CRYBG1: variants seen among roughly 807,000 people sequenced by gnomAD.
CRYBG1 encodes the protein crystallin beta-gamma domain containing 1, also known as beta/gamma crystallin domain-containing protein 1.
A neutral mutation model predicts 189.2 loss-of-function variants in CRYBG1; 139 were observed. The observed-to-expected ratio is 0.73, with a 90% CI of 0.64 to 0.85. The LOEUF is 0.85. CRYBG1 is among the 40% of genes least tolerant of loss of function. The probability of loss-of-function intolerance (pLI) is 0.00; values close to 1 mark genes in which losing one functional copy is unlikely to be tolerated. For missense variants in CRYBG1, 2,611 were observed against 2,675.8 expected, an observed-to-expected ratio of 0.98 and a Z score of 0.53; for synonymous variants, 1,023 against 1,017.1, an observed-to-expected ratio of 1.01 and a Z score of -0.11.
chr6:106,386,730 G>T (rs1171452886), intron 1 of CRYBG1, among the ~76,000 whole-genome samples: 7 of 152,224 alleles, frequency 4.6e-5, no homozygotes, highest in Admixed American at 4.6e-4. Flanking sequence ...ATACCATCAA[G>T]AGGCAGAGCT....
At chr6:106,375,056 A>T (rs768381862) in intron 1 of CRYBG1, among the ~76,000 whole-genome samples, 25 of 152,128 alleles carry the variant, frequency 1.6e-4, no homozygotes, top group Non-Finnish European at 3.7e-4. Flanking sequence ...GTTTCTAAAG[A>T]TAATGATGCA....
At chr6:106,560,984 G>A in intron 19 of CRYBG1, 58 bp downstream of exon 19, 2 of 1,485,716 alleles carry the variant, frequency 1.3e-6, no homozygotes, top group South Asian at 2.7e-5. Flanking sequence ...TTTTGTAAAT[G>A]CAATCCAACT....
chr6:106,515,852 G>T (rs1289070714), intron 3 of CRYBG1, among the ~76,000 whole-genome samples: 1 of 151,500 alleles, frequency 6.6e-6, no homozygotes, highest in Non-Finnish European at 1.5e-5. Flanking sequence ...GAGTGCAGTG[G>T]CATGATCATG....
intron 3 of CRYBG1, among the ~76,000 whole-genome samples, chr6:106,514,651 T>C (rs951901560): frequency 4.6e-5 from 7 of 152,238 alleles, no homozygotes; most frequent in African/African-American, 1.4e-4. Context: ...GTGTACCTTA[T>C]GAAGGATGGT....
chr6:106,463,103 A>G (rs1772045363), intron 2 of CRYBG1, among the ~76,000 whole-genome samples: 1 of 152,196 alleles, frequency 6.6e-6, no homozygotes, highest in Non-Finnish European at 1.5e-5. Context: ...GCAGTCAGCT[A>G]GGATGGCACC....
intron 1 of CRYBG1, among the ~76,000 whole-genome samples, chr6:106,377,621 T>TATATATATATATATATATATATATA (rs1419204336): frequency 2.9e-4 from 20 of 69,492 alleles, no homozygotes; most frequent in South Asian, 5.3e-4. Context: ...TCCTAAGGTT[T>TATATATATATATATATATATATATA]TATATATATA....
At chr6:106,468,851 A>G (rs67483704) in intron 2 of CRYBG1, among the ~76,000 whole-genome samples, 26,985 of 152,234 alleles carry the variant, frequency 0.18, 2,520 homozygotes, top group South Asian at 0.25. Flanking sequence ...ACGACATTGT[A>G]AGGGTCTCCT....
intron 1 of CRYBG1, among the ~76,000 whole-genome samples, chr6:106,442,803 C>G (rs768116006): frequency 5.9e-5 from 9 of 152,080 alleles, no homozygotes; most frequent in Non-Finnish European, 1.0e-4. Flanking sequence ...AGAGAAAGAG[C>G]CATCAGTGAT....
intron 2 of CRYBG1, among the ~76,000 whole-genome samples, chr6:106,490,579 A>AT (rs1257029956): frequency 6.6e-6 from 1 of 152,118 alleles, no homozygotes; most frequent in African/African-American, 2.4e-5. Flanking sequence ...GTTTATATGA[A>AT]TTTTTTTCCA....
At chr6:106,372,352 G>C (rs1049578276) in intron 1 of CRYBG1, among the ~76,000 whole-genome samples, 1 of 152,062 alleles carries the variant, frequency 6.6e-6, no homozygotes, top group Non-Finnish European at 1.5e-5. Context: ...CCTGGGCTCA[G>C]GTGATCCTCC....
At chr6:106,433,138 C>T (rs1018743902) in intron 1 of CRYBG1, among the ~76,000 whole-genome samples, 8 of 152,142 alleles carry the variant, frequency 5.3e-5, no homozygotes, top group Non-Finnish European at 7.4e-5. Context: ...CATGCCCAGC[C>T]GCTATTTTCT....
rs1437434677 is a variant in CRYBG1, at chr6:106,388,294, G to A, written c.173+27213G>A. ...ATCTTGGCACCTCCCAAATTTTCTA[G>A]GTCCTGAACTATCCTGGGGCTAACA... On this transcript the variant is annotated intron_variant, in intron 1 of 21. Transcript: ENST00000633556. 3.3e-5 allele frequency among the ~76,000 whole-genome samples: 5 copies of A among 152,084 alleles called. No homozygotes were observed. The South Asian group carries it at 1.0e-3, about 32-fold the overall frequency.
intron 17 of CRYBG1, among the ~76,000 whole-genome samples, chr6:106,557,085 A>G (rs1582838070): frequency 6.6e-6 from 1 of 152,342 alleles, no homozygotes; most frequent in East Asian, 1.9e-4. Flanking sequence ...TATCTTTGTG[A>G]CTTAATACTT....
chr6:106,365,680 A>ATTTT (rs10714082), intron 1 of CRYBG1, among the ~76,000 whole-genome samples: 2 of 132,350 alleles, frequency 1.5e-5, no homozygotes, highest in Non-Finnish European at 3.4e-5. Flanking sequence ...AAGAACCTGT[A>ATTTT]TTTTTTTTTA....
At position 106,545,058 on chromosome 6, in the gene CRYBG1, C is replaced by T. The variant is rs577866027; in HGVS notation, c.5312+125C>T. On this transcript the variant is annotated intron_variant, in intron 13 of 21. Coordinates refer to ENST00000633556, the MANE Select transcript of CRYBG1 (RefSeq NM_001371242.2). ...ATATCTCAACAGCTTAACATTAAAT[C>T]AGTCATTTAATAGTTGCTGTCATGA... is the stretch of plus-strand genomic sequence containing the variant. 1.6e-5 allele frequency: 12 copies of T among 764,086 alleles called. No individual in the cohort carries two copies. The South Asian group carries it at 2.8e-4, about 18-fold the overall frequency. 47.3% of individuals were successfully genotyped at this position (764,086 alleles called of 1,614,324 possible). A position where few individuals can be genotyped will look rare whatever the true frequency, so the allele number is the denominator to read the frequency against.
Position 106,553,539 on chromosome 6 carries a change from A to T in CRYBG1, c.5557A>T (p.Thr1853Ser), listed in dbSNP as rs1676015. Residue 1853 changes from threonine (T) to serine (S), a missense_variant, in exon 16 of 22, where the codon ACC becomes TCC. Physicochemically the swap from Thr to Ser is moderately conservative, Grantham distance 58. This residue lies in a region of CRYBG1 where 1,622 missense variants were observed against 1,735.0 expected (regional missense o/e 0.93). Transcript: ENST00000633556. ...AAGTCAAATTGATGATTCATTTTCTACCAAGTCTTGCAGAGTTTCAGGAGG... is the reference window on the plus strand; with the variant it reads ...AAGTCAAATTGATGATTCATTTTCTTCCAAGTCTTGCAGAGTTTCAGGAGG... ...TTSQIDDSFSTKSCRVSGGSW... is the reference protein window; with the variant it reads ...TTSQIDDSFSSKSCRVSGGSW... 18,770 of 1,613,456 alleles carry T rather than the reference A, an allele frequency of 0.012. 1,546 individuals are homozygous for T. In the African/African-American group the frequency reaches 0.2, roughly 17 times the overall value.
chr6:106,568,356 A>C lies in CRYBG1; in HGVS notation c.6302-116A>C, dbSNP rs1774953310. 6 of 773,818 alleles carry C rather than the reference A, an allele frequency of 7.8e-6. No individual in the cohort carries two copies. In the Admixed American group the frequency reaches 1.4e-4, roughly 18 times the overall value. 47.9% of individuals were successfully genotyped at this position (773,818 alleles called of 1,614,324 possible). ...CCTGCCTTGCCTCCTTGAGGCATGC[A>C]GTTCTACACCTTGTTTACTTGCTTA... On this transcript the variant is annotated intron_variant, in intron 21 of 21. Coordinates refer to ENST00000633556, the MANE Select transcript of CRYBG1 (RefSeq NM_001371242.2).
chr6:106,525,580 T>C (rs1204342123), intron 6 of CRYBG1, among the ~76,000 whole-genome samples, 194 bp downstream of exon 6: 1 of 152,256 alleles, frequency 6.6e-6, no homozygotes, highest in Non-Finnish European at 1.5e-5. Flanking sequence ...ATAGCAGTGA[T>C]ATATGTTTAT....
rs752085343 is a variant in CRYBG1 at position 106,558,612 on chromosome 6, G to T, written c.5842G>T (p.Val1948Phe). The T allele has an allele frequency of 3.1e-6, 5 of 1,599,674 alleles. No individual in the cohort carries two copies. The East Asian group carries it at 1.1e-4, about 36-fold the overall frequency. The stretch of plus-strand genomic sequence containing the variant: ...CAACACACAAATACGCTCTGTTCAG[G>T]TTATTGGTGGCATGTGAGTTACCTA... ...GFNTQIRSVQ[V>F]IGGIWVTYEY... The change falls in exon 18 of 22, where the codon GTT (valine) becomes TTT (phenylalanine). Residue 1948 changes from valine (V) to phenylalanine (F), a missense_variant. By Grantham distance (50) the Val-to-Phe change is conservative (BLOSUM62 -1). This residue lies in a region of CRYBG1 where 1,622 missense variants were observed against 1,735.0 expected (regional missense o/e 0.93). Coordinates refer to ENST00000633556, the MANE Select transcript of CRYBG1 (RefSeq NM_001371242.2).
Sources: gnomAD v4.1 joint callset for allele counts (sites outside exome capture counted in the v4.1 genomes callset) on GRCh38, gnomAD v4.1.1 for gene constraint, gnomAD v4.1.1 regional missense constraint, MANE v1.5 for transcripts, NCBI Gene and HGNC (gene_info 2026-07-23, HGNC 2026-07-21) for gene names.